The following POLR3D variants were observed in gnomAD, a reference collection of about 807,000 sequenced individuals.
The protein encoded by POLR3D is RNA polymerase III subunit D.
POLR3D carries 42 observed loss-of-function variants against 44.5 expected under a neutral mutation model. The observed-to-expected ratio is 0.94, with a 90% CI of 0.74 to 1.22. The LOEUF (loss-of-function observed/expected upper bound fraction) is 1.22, where lower values mean the gene tolerates loss of function less well. Among genes scored for constraint, POLR3D ranks in the 50% most tolerant of loss-of-function variants. The pLI, the probability that POLR3D is intolerant of heterozygous loss-of-function variation, is 0.00. For synonymous variants in POLR3D, 217 were observed against 198.1 expected (o/e 1.10, Z -0.80); for missense variants, 507 against 505.2 (o/e 1.00, Z -0.03).
chr8:22,250,616 A>G lies in POLR3D; in HGVS notation c.*98A>G, dbSNP rs1260068535. The G allele has an allele frequency of 3.4e-6, 5 of 1,464,734 alleles. No homozygotes were observed. In the African/African-American group the frequency reaches 6.9e-5, roughly 20 times the overall value. The allele number at this position is 1,464,734 out of a possible 1,614,324, so 90.7% of individuals were successfully genotyped here. Reference sequence around the variant, plus strand: ...TGTGAGACCCAGAAGGGGCCCACTGAGCCCACTCACTCCAGCCTTTGGCAA... The same window carrying G: ...TGTGAGACCCAGAAGGGGCCCACTGGGCCCACTCACTCCAGCCTTTGGCAA... On this transcript the variant is annotated 3_prime_UTR_variant, in exon 9 of 9. Coordinates refer to ENST00000306433, the MANE Select transcript of POLR3D (RefSeq NM_001722.3).
At chr8:22,248,326 C>T in intron 5 of POLR3D, 48 bp downstream of exon 5, 1 of 1,602,374 alleles carries the variant, frequency 6.2e-7, no homozygotes, top group South Asian at 1.1e-5. Context: ...GGCTGTAGAA[C>T]AGGGCTTCTG....
At position 22,250,557 on chromosome 8, in the gene POLR3D, C is replaced by T. The variant is rs371924095; in HGVS notation, c.*39C>T. 210 of 1,612,832 alleles carry T rather than the reference C, an allele frequency of 1.3e-4. No homozygotes were observed. Among genetic ancestry groups the T allele is most frequent in the Non-Finnish European group, 1.7e-4 (202 of 1,179,338 alleles). On this transcript the variant is annotated 3_prime_UTR_variant, in exon 9 of 9. Coordinates refer to ENST00000306433, the MANE Select transcript of POLR3D (RefSeq NM_001722.3). ...AGGAGGACGGCGCCTGTGCCCACGG[C>T]TGCTGCCTGCTCCAGACATTTTGTT...
At position 22,246,653 on chromosome 8, in the gene POLR3D, C is replaced by T. The variant is rs138448977; in HGVS notation, c.166-568C>T. 9.7e-3 allele frequency among the ~76,000 whole-genome samples: 1,480 copies of T among 152,240 alleles called. 28 individuals carry two copies. The highest frequency in any genetic ancestry group is 0.034 in the African/African-American group (1,394 of 41,534). The stretch of plus-strand genomic sequence containing the variant: ...GTAGAGACGGGTTTCACCATCTTGG[C>T]CAGGCTGATCTTGAACTCCTGACCT... On this transcript the variant is annotated intron_variant, in intron 2 of 8. Transcript: ENST00000306433.
intron 3 of POLR3D, 73 bp from the exon 4 acceptor site, chr8:22,247,784 G>C: frequency 1.4e-6 from 2 of 1,414,134 alleles, no homozygotes; most frequent in Middle Eastern, 1.9e-4. Context: ...GAGTGAAGTG[G>C]TATGGGAGAG....
chr8:22,247,874 C>G lies in POLR3D; in HGVS notation c.227C>G (p.Thr76Ser). ...TTTTCCAGGCCCAAGGAAGAAGTAA[C>G]TGTCAAGAAGGAGAAGCGTGAAAGG... Reference protein sequence around the residue: ...KIKEEPKEEVTVKKEKRERDR... With the variant: ...KIKEEPKEEVSVKKEKRERDR... Residue 76 changes from threonine to serine, a missense_variant, in exon 4 of 9, where the codon ACT (threonine) becomes AGT (serine). Coordinates refer to ENST00000306433, the MANE Select transcript of POLR3D (RefSeq NM_001722.3). The G allele has an allele frequency of 6.2e-7, 1 of 1,613,354 alleles. No homozygotes were observed. Among genetic ancestry groups the G allele is most frequent in the African/African-American group, 1.3e-5 (1 of 74,902 alleles).
chr8:22,248,381 C>T (rs949397882), intron 5 of POLR3D, 100 bp from the exon 6 acceptor site: 1 of 1,571,790 alleles, frequency 6.4e-7, no homozygotes, highest in Non-Finnish European at 8.6e-7. Flanking sequence ...GTCCTGGAAT[C>T]CTGGGGAGCA....
chr8:22,247,835 C>G (rs749325727), intron 3 of POLR3D, 22 bp from the exon 4 acceptor site: 2 of 1,610,412 alleles, frequency 1.2e-6, no homozygotes, highest in African/African-American at 1.3e-5. Flanking sequence ...AGTGGTTTCC[C>G]TTAATCCATT....
rs1336473412 is a variant in POLR3D, at chr8:22,248,660, G to A, written c.655+11G>A. 12 of 1,606,700 alleles carry A rather than the reference G, an allele frequency of 7.5e-6. No individual in the cohort carries two copies. The highest frequency in any genetic ancestry group is 1.7e-5 in the Admixed American group (1 of 59,100). ...TACCTGCTGTGAAAGGTACTCTGTC[G>A]GTTAACTTCTCATCTCCAATTCCAT... On this transcript the variant is annotated intron_variant, in intron 6 of 8. Coordinates refer to ENST00000306433, the MANE Select transcript of POLR3D (RefSeq NM_001722.3).
At position 22,251,217 on chromosome 8, in the gene POLR3D, G is replaced by T. The variant is rs1830102806; in HGVS notation, c.*699G>T. On this transcript the variant is annotated 3_prime_UTR_variant, in exon 9 of 9. Transcript: ENST00000306433. The stretch of plus-strand genomic sequence containing the variant: ...AGAGATTCTAAATCTCCCAGAAGCA[G>T]CGACTAGAGCTGCTCCCGTCCCCAC... The T allele has an allele frequency of 1.3e-5, 2 of 153,438 alleles. No individual in the cohort carries two copies. 9.5% of individuals were successfully genotyped at this position (153,438 alleles called of 1,614,324 possible). A position where few individuals can be genotyped will look rare whatever the true frequency, so the allele number is the denominator to read the frequency against.
At chr8:22,249,459 G>A in intron 7 of POLR3D, 150 bp downstream of exon 7, 2 of 751,374 alleles carry the variant, frequency 2.7e-6, no homozygotes, top group Non-Finnish European at 2.2e-6. Flanking sequence ...ATGGGGCTTT[G>A]TACCTCCAAC....
chr8:22,250,710 C>G lies in POLR3D; in HGVS notation c.*192C>G. ...GAATGGCACAGTGACCTTCCTGCAG[C>G]GTGGAGATGGCACATCCTTGCTGCT... On this transcript the variant is annotated 3_prime_UTR_variant, in exon 9 of 9. Coordinates refer to ENST00000306433, the MANE Select transcript of POLR3D (RefSeq NM_001722.3). 1.6e-6 allele frequency: 1 copy of G among 643,270 alleles called. No individual in the cohort carries two copies. Among genetic ancestry groups the G allele is most frequent in the South Asian group, 1.8e-5 (1 of 55,138 alleles). 39.8% of individuals were successfully genotyped at this position (643,270 alleles called of 1,614,324 possible). A position where few individuals can be genotyped will look rare whatever the true frequency, so the allele number is the denominator to read the frequency against.
intron 3 of POLR3D, 86 bp from the exon 4 acceptor site, chr8:22,247,771 T>C: frequency 1.6e-6 from 2 of 1,266,238 alleles, no homozygotes; most frequent in South Asian, 1.4e-5. Flanking sequence ...CTCCACTGTT[T>C]TGGAGTGAAG....
rs1210708117 is a variant in POLR3D, at chr8:22,250,059, C to T, written c.922-16C>T. The T allele has an allele frequency of 1.2e-6, 2 of 1,613,740 alleles. No individual in the cohort carries two copies. Among genetic ancestry groups the T allele is most frequent in the Non-Finnish European group, 8.5e-7 (1 of 1,179,886 alleles). Reference sequence around the variant, plus strand: ...GAGCTCCTAGCCCAGTGTCCATCCTCTGGTTTTCTCCGCAGGAAGCCAAAT... The same window carrying T: ...GAGCTCCTAGCCCAGTGTCCATCCTTTGGTTTTCTCCGCAGGAAGCCAAAT... On this transcript the variant is annotated splice_polypyrimidine_tract_variant and intron_variant, in intron 7 of 8. Transcript: ENST00000306433.
intron 8 of POLR3D, 84 bp from the exon 9 acceptor site, chr8:22,250,312 T>G (rs1830091520): frequency 1.9e-6 from 3 of 1,608,968 alleles, no homozygotes; most frequent in African/African-American, 1.3e-5. Context: ...GGAGGGGGTT[T>G]CTGGGAGTAT....
Position 22,248,290 on chromosome 8 carries a change from G to A in POLR3D, c.486+12G>A. On this transcript the variant is annotated intron_variant, in intron 5 of 8. Coordinates refer to ENST00000306433, the MANE Select transcript of POLR3D (RefSeq NM_001722.3). The stretch of plus-strand genomic sequence containing the variant: ...TGGAGAAGGACGATGTGGGTACCAG[G>A]AGGCTGGGGGAAGGGGTTTCCTTGT... The A allele has an allele frequency of 6.2e-7, 1 of 1,612,846 alleles. No individual in the cohort carries two copies. Among genetic ancestry groups the A allele is most frequent in the South Asian group, 1.1e-5 (1 of 90,740 alleles).
rs1265698509 is a variant in POLR3D at position 22,245,944 on chromosome 8, C to T, written c.165+330C>T. ...GAAAGCCAGACAGGCATAAACTTCG[C>T]AGTCTTAGAGGGTTCAGAATTCACC... On this transcript the variant is annotated intron_variant, in intron 2 of 8. Coordinates refer to ENST00000306433, the MANE Select transcript of POLR3D (RefSeq NM_001722.3). 2.6e-5 allele frequency among the ~76,000 whole-genome samples: 4 copies of T among 152,336 alleles called. No individual in the cohort carries two copies. The East Asian group carries it at 7.7e-4, about 29-fold the overall frequency.
At chr8:22,247,134 A>G (rs1390677871) in intron 2 of POLR3D, 87 bp from the exon 3 acceptor site, 2 of 975,512 alleles carry the variant, frequency 2.1e-6, no homozygotes, top group East Asian at 2.4e-5. Context: ...CTTGGTCTGT[A>G]GAAGATGCCC....
intron 3 of POLR3D, 71 bp from the exon 4 acceptor site, chr8:22,247,786 A>G (rs922517717): frequency 3.1e-5 from 45 of 1,439,254 alleles, no homozygotes; most frequent in Non-Finnish European, 3.2e-5. Context: ...GTGAAGTGGT[A>G]TGGGAGAGTA....
chr8:22,248,462 C>T lies in POLR3D; in HGVS notation c.487-19C>T. On this transcript the variant is annotated intron_variant, in intron 5 of 8. Coordinates refer to ENST00000306433, the MANE Select transcript of POLR3D (RefSeq NM_001722.3). Reference sequence around the variant, plus strand: ...GTGCATGTGCTAGCAGGCTGGATGACCCAGACTCTCTTTGGCAGTTCCTCG... The same window carrying T: ...GTGCATGTGCTAGCAGGCTGGATGATCCAGACTCTCTTTGGCAGTTCCTCG... The T allele has an allele frequency of 6.2e-7, 1 of 1,612,172 alleles. No homozygotes were observed. The highest frequency in any genetic ancestry group is 8.5e-7 in the Non-Finnish European group (1 of 1,178,862).
Sources: gnomAD v4.1 joint callset for allele counts (sites outside exome capture counted in the v4.1 genomes callset) on GRCh38, gnomAD v4.1.1 for gene constraint, MANE v1.5 for transcripts, NCBI Gene and HGNC (gene_info 2026-07-23, HGNC 2026-07-21) for gene names.